The following AKAP13 variants were observed in gnomAD, a reference collection of about 807,000 sequenced individuals.
The protein encoded by AKAP13 is A-kinase anchoring protein 13, also known as A-kinase anchor protein 13.
A neutral mutation model predicts 264.5 loss-of-function variants in AKAP13; 80 were observed. The ratio of observed to expected loss-of-function variants is 0.30; its 90% CI spans 0.25 to 0.36. The LOEUF (loss-of-function observed/expected upper bound fraction) is 0.36, where lower values mean the gene tolerates loss of function less well. AKAP13 is among the 10% of genes least tolerant of loss of function. The probability of loss-of-function intolerance (pLI) is 1.00; values close to 1 mark genes in which losing one functional copy is unlikely to be tolerated. For missense variants in AKAP13, 3,712 were observed against 3,435.2 expected (o/e 1.08, Z -2.01); for synonymous variants, 1,380 against 1,250.2 (o/e 1.10, Z -2.19).
intron 14 of AKAP13, among the ~76,000 whole-genome samples, chr15:85,673,880 A>G (rs1292279016): frequency 2.0e-5 from 3 of 150,510 alleles, no homozygotes; most frequent in Non-Finnish European, 4.4e-5. Flanking sequence ...TTTAGTAGAG[A>G]TGGGGTTTTA....
intron 2 of AKAP13, among the ~76,000 whole-genome samples, chr15:85,505,433 G>A (rs2076188074): frequency 6.6e-6 from 1 of 152,106 alleles, no homozygotes; most frequent in South Asian, 2.1e-4. Flanking sequence ...TTGAGAAAGG[G>A]GTATGGTTTT....
intron 33 of AKAP13, among the ~76,000 whole-genome samples, chr15:85,738,917 T>C (rs529722552): frequency 3.3e-5 from 5 of 151,822 alleles, no homozygotes; most frequent in Non-Finnish European, 7.4e-5. Context: ...CCGAGTTGTA[T>C]ATGTGTGAAT....
intron 14 of AKAP13, among the ~76,000 whole-genome samples, chr15:85,675,029 A>G (rs904872217): frequency 2.0e-5 from 3 of 152,170 alleles, no homozygotes; most frequent in East Asian, 1.9e-4. Flanking sequence ...CTTTAATTCA[A>G]TTACCTTGTA....
chr15:85,439,653 A>C (rs1232158595), intron 1 of AKAP13, among the ~76,000 whole-genome samples: 1 of 144,214 alleles, frequency 6.9e-6, no homozygotes, highest in African/African-American at 2.6e-5. Flanking sequence ...AAAAATGATG[A>C]GTTCATGTCC....
At chr15:85,433,593 T>A (rs989042494) in intron 1 of AKAP13, among the ~76,000 whole-genome samples, 3 of 152,150 alleles carry the variant, frequency 2.0e-5, no homozygotes, top group African/African-American at 7.2e-5. Context: ...TTCCTGATCA[T>A]CCCTTCTTGG....
intron 5 of AKAP13, among the ~76,000 whole-genome samples, chr15:85,563,535 TTC>T (rs2078491447): frequency 6.6e-6 from 1 of 152,138 alleles, no homozygotes; most frequent in Non-Finnish European, 1.5e-5. Context: ...AAAAAAATTT[TTC>T]TCTTAAAGAC....
In AKAP13 at chr15:85,740,656, C is replaced by T. The variant is rs558056759; in HGVS notation, c.7608+384C>T. Reference sequence around the variant, plus strand: ...TCTGTTTCGGACTTCCCAGGAACATCCTCAAATTCTGCTCACTTCCTTTCT... The same window carrying T: ...TCTGTTTCGGACTTCCCAGGAACATTCTCAAATTCTGCTCACTTCCTTTCT... On this transcript the variant is annotated intron_variant, in intron 34 of 36. Transcript: ENST00000394518. 351 of 321,100 alleles carry T rather than the reference C, an allele frequency of 1.1e-3. 2 individuals carry two copies. Among genetic ancestry groups the T allele is most frequent in the African/African-American group, 6.3e-3 (297 of 47,504 alleles). 19.9% of individuals were successfully genotyped at this position (321,100 alleles called of 1,614,324 possible).
intron 17 of AKAP13, among the ~76,000 whole-genome samples, chr15:85,701,442 T>G (rs1029947336): frequency 5.9e-5 from 9 of 152,156 alleles, no homozygotes; most frequent in African/African-American, 2.2e-4. Flanking sequence ...GGGTTTTTTT[T>G]GTTTTTTGTT....
intron 6 of AKAP13, among the ~76,000 whole-genome samples, chr15:85,577,309 C>T (rs1192600846): frequency 8.0e-6 from 1 of 125,644 alleles, no homozygotes; most frequent in African/African-American, 3.0e-5. Context: ...CATATTATTG[C>T]AGTAGATCAG....
intron 8 of AKAP13, among the ~76,000 whole-genome samples, chr15:85,602,512 A>C (rs191690409): frequency 3.9e-4 from 51 of 131,212 alleles, no homozygotes; most frequent in Non-Finnish European, 7.4e-4. Flanking sequence ...TTTGAAACGG[A>C]GTCTTGCTCT....
At chr15:85,493,411 A>G (rs2075788347) in intron 2 of AKAP13, among the ~76,000 whole-genome samples, 1 of 152,182 alleles carries the variant, frequency 6.6e-6, no homozygotes, top group African/African-American at 2.4e-5. Flanking sequence ...GTAGCTAGTG[A>G]TGTCACCTTT....
At chr15:85,695,334 G>C (rs1047211378) in intron 17 of AKAP13, among the ~76,000 whole-genome samples, 1 of 152,170 alleles carries the variant, frequency 6.6e-6, no homozygotes, top group Non-Finnish European at 1.5e-5. Context: ...AACTTGGGAA[G>C]GGGAGGTTGC....
intron 5 of AKAP13, among the ~76,000 whole-genome samples, chr15:85,555,751 T>G (rs2078120794): frequency 1.3e-5 from 2 of 152,202 alleles, no homozygotes; most frequent in South Asian, 4.1e-4. Flanking sequence ...GGTTGTTGAT[T>G]ATTGCATGGC....
At chr15:85,482,686 C>A (rs1292998966) in intron 1 of AKAP13, among the ~76,000 whole-genome samples, 1 of 152,116 alleles carries the variant, frequency 6.6e-6, no homozygotes, top group Non-Finnish European at 1.5e-5. Context: ...AATGATTTAA[C>A]CTTTGAAAGA....
At chr15:85,624,146 T>C (rs1353809766) in intron 8 of AKAP13, among the ~76,000 whole-genome samples, 1 of 152,262 alleles carries the variant, frequency 6.6e-6, no homozygotes, top group Admixed American at 6.5e-5. Context: ...GGGCCATTGC[T>C]GTTTTACTAA....
chr15:85,740,972 G>T, intron 34 of AKAP13, 74 bp from the exon 35 acceptor site: 1 of 1,522,208 alleles, frequency 6.6e-7, no homozygotes. Flanking sequence ...CCCCTGCTGT[G>T]GGGTCGGGAG....
intron 1 of AKAP13, among the ~76,000 whole-genome samples, chr15:85,433,117 G>GTTTTTTTTTTTTTTTTTT (rs199655190): frequency 8.1e-4 from 43 of 53,226 alleles, no homozygotes; most frequent in Non-Finnish European, 8.2e-4. Context: ...CTTCTGTACA[G>GTTTTTTTTTTTTTTTTTT]TTTTTTTTTT....
intron 1 of AKAP13, among the ~76,000 whole-genome samples, chr15:85,443,432 C>T (rs998872233): frequency 2.0e-5 from 3 of 152,110 alleles, no homozygotes; most frequent in Non-Finnish European, 2.9e-5. Flanking sequence ...CCAGGCAAGT[C>T]CACTCACTTT....
chr15:85,484,857 G>T (rs563621243), intron 1 of AKAP13, among the ~76,000 whole-genome samples: 2 of 152,284 alleles, frequency 1.3e-5, no homozygotes, highest in South Asian at 4.1e-4. Flanking sequence ...ACTTTATACT[G>T]TTATTTTGCT....
Sources: allele counts gnomAD v4.1 joint callset (sites outside exome capture counted in the v4.1 genomes callset), GRCh38; gene constraint gnomAD v4.1.1; transcripts MANE v1.5; gene names NCBI Gene and HGNC (gene_info 2026-07-23, HGNC 2026-07-21).